The following NPHS1 variants were observed in gnomAD, a reference collection of about 807,000 sequenced individuals.
NPHS1 encodes the protein NPHS1 adhesion molecule, nephrin.
A neutral mutation model predicts 139.7 loss-of-function variants in NPHS1; 107 were observed. The ratio of observed to expected loss-of-function variants is 0.77; its 90% CI spans 0.66 to 0.90. The LOEUF is 0.90. Among genes scored for constraint, NPHS1 ranks in the 40% least tolerant of loss-of-function variants. The pLI is 0.00. For synonymous variants in NPHS1, 707 were observed against 706.6 expected, an observed-to-expected ratio of 1.00 and a Z score of -0.01; for missense variants, 1,580 against 1,654.2, an observed-to-expected ratio of 0.96 and a Z score of 0.78.
chr19:35,830,174 G>C (rs1279142066), intron 28 of NPHS1, among the ~76,000 whole-genome samples: 2 of 152,164 alleles, frequency 1.3e-5, no homozygotes, highest in Admixed American at 1.3e-4. Context: ...TGCTAAGCTA[G>C]ACCACATTTC....
chr19:35,827,668 T>C (rs888577795), intron 28 of NPHS1, among the ~76,000 whole-genome samples: 2 of 152,104 alleles, frequency 1.3e-5, no homozygotes, highest in East Asian at 1.9e-4. Flanking sequence ...CCTGTAATCC[T>C]AGCATTTTGG....
intron 28 of NPHS1, among the ~76,000 whole-genome samples, chr19:35,830,104 T>C (rs972595977): frequency 4.6e-5 from 7 of 152,218 alleles, no homozygotes; most frequent in Non-Finnish European, 8.8e-5. Context: ...TGGCTAATTA[T>C]CTTTAAAAAT....
In NPHS1 at chr19:35,843,546, C is replaced by T. The variant is rs546810048; in HGVS notation, c.2260G>A (p.Gly754Arg). 3.7e-6 allele frequency: 6 copies of T among 1,613,996 alleles called. No individual in the cohort carries two copies. Among genetic ancestry groups the T allele is most frequent in the African/African-American group, 1.3e-5 (1 of 74,914 alleles). Residue 754 changes from glycine to arginine, a missense_variant, in exon 17 of 29, where the codon GGG becomes AGG. By Grantham distance (125) the Gly-to-Arg change is moderately radical (BLOSUM62 -2). Transcript: ENST00000378910. ...GTGCAGACTATGTCCACAGAACCCC[C>T]GACGTTCACCTCAGTGGGGTCCTGG... is the stretch of plus-strand genomic sequence containing the variant. Reference protein sequence around the residue: ...ALQDPTEVNVGGSVDIVCTVD... With the variant: ...ALQDPTEVNVRGSVDIVCTVD...
Position 35,848,728 on chromosome 19 carries a change from G to A in NPHS1, c.1079C>T (p.Ser360Phe). Residue 360 changes from serine (S) to phenylalanine (F), a missense_variant, in exon 9 of 29, where the codon TCC becomes TTC. Ser to Phe is a radical substitution (Grantham distance 155). Coordinates refer to ENST00000378910, the MANE Select transcript of NPHS1 (RefSeq NM_004646.4). ...CGGGCGACTGGACTTGCTGACACAG[G>A]AGAGTGTCACGTTCTTGTTCTCAGT... ...SQTENKNVTLSCVSKSSRPRV... is the reference protein window; with the variant it reads ...SQTENKNVTLFCVSKSSRPRV... 1.9e-6 allele frequency: 3 copies of A among 1,614,156 alleles called. No homozygotes were observed. Among genetic ancestry groups the A allele is most frequent in the Non-Finnish European group, 2.5e-6 (3 of 1,180,008 alleles).
chr19:35,845,601 C>A lies in NPHS1; in HGVS notation c.1758-61G>T, dbSNP rs1400538010. 4.5e-6 allele frequency: 7 copies of A among 1,550,434 alleles called. No individual in the cohort carries two copies. In the East Asian group the frequency reaches 1.7e-4, roughly 37 times the overall value. On this transcript the variant is annotated intron_variant, in intron 13 of 28. Coordinates refer to ENST00000378910, the MANE Select transcript of NPHS1 (RefSeq NM_004646.4). The surrounding 1 kb of genome is among the most constrained non-coding windows in gnomAD (Gnocchi z 5.5). Reference sequence around the variant, plus strand: ...AGCCAGAGGCTGGAGAGGCACTAGGCGGGGGCGGGACATGCGTGGAGGGGG... The same window carrying A: ...AGCCAGAGGCTGGAGAGGCACTAGGAGGGGGCGGGACATGCGTGGAGGGGG...
Position 35,825,488 on chromosome 19 carries a change from A to T in NPHS1, c.*1026T>A, listed in dbSNP as rs1972789765. Among the ~76,000 whole-genome samples the T allele has an allele frequency of 6.6e-6, 1 of 152,172 alleles. No individual in the cohort carries two copies. The highest frequency in any genetic ancestry group is 2.1e-4 in the South Asian group (1 of 4,824). ...TCTGTGCACCCGTGCAACCACCACCACAATCGTTATATAGAATATTTCCAA... is the reference window on the plus strand; with the variant it reads ...TCTGTGCACCCGTGCAACCACCACCTCAATCGTTATATAGAATATTTCCAA... On this transcript the variant is annotated 3_prime_UTR_variant, in exon 29 of 29. Coordinates refer to ENST00000378910, the MANE Select transcript of NPHS1 (RefSeq NM_004646.4).
At chr19:35,836,490 G>A (rs552608946) in intron 22 of NPHS1, among the ~76,000 whole-genome samples, 2 of 152,136 alleles carry the variant, frequency 1.3e-5, no homozygotes, top group East Asian at 3.9e-4. Flanking sequence ...TCAATTTGTT[G>A]AGTTAACCAA....
In NPHS1 at chr19:35,845,348, T is replaced by C. The variant is rs771128885; in HGVS notation, c.1930+20A>G. The C allele has an allele frequency of 6.2e-7, 1 of 1,614,132 alleles. No individual in the cohort carries two copies. Among genetic ancestry groups the C allele is most frequent in the Admixed American group, 1.7e-5 (1 of 60,032 alleles). On this transcript the variant is annotated intron_variant, in intron 14 of 28. Transcript: ENST00000378910. This position sits in a 1 kb window ranked among gnomAD's most constrained non-coding sequence, Gnocchi z 5.5. ...GGGTCAAGAAGGCATCGAGAGGGGC[T>C]TTCAGGCCGGGGCACATACACAGTA...
At chr19:35,850,888 G>T in intron 4 of NPHS1, 73 bp downstream of exon 4, 1 of 1,574,580 alleles carries the variant, frequency 6.4e-7, no homozygotes, top group Non-Finnish European at 8.7e-7. Context: ...GAAGGGTACT[G>T]GTCAGGAACA....
In NPHS1 at chr19:35,845,395, T is replaced by C; in HGVS notation, c.1903A>G (p.Ser635Gly). The change falls in exon 14 of 29, where the codon AGC becomes GGC. Residue 635 changes from serine to glycine, a missense_variant. Coordinates refer to ENST00000378910, the MANE Select transcript of NPHS1 (RefSeq NM_004646.4). The surrounding 1 kb of genome is among the most constrained non-coding windows in gnomAD (Gnocchi z 5.5). ...AGTACGTTGAGGCGATAGAAGGAGCTCACGGTTTCGCGGAGCTCGGCGCTG... is the reference window on the plus strand; with the variant it reads ...AGTACGTTGAGGCGATAGAAGGAGCCCACGGTTTCGCGGAGCTCGGCGCTG... Reference protein sequence around the residue: ...AHSAELRETVSSFYRLNVLYR... With the variant: ...AHSAELRETVGSFYRLNVLYR... 1 of 1,614,232 alleles carries C rather than the reference T, an allele frequency of 6.2e-7. No homozygotes were observed.
chr19:35,825,641 A>G lies in NPHS1; in HGVS notation c.*873T>C, dbSNP rs1972792077. Among the ~76,000 whole-genome samples, 1 of 152,184 alleles carries G rather than the reference A, an allele frequency of 6.6e-6. No homozygotes were observed. Among genetic ancestry groups the G allele is most frequent in the South Asian group, 2.1e-4 (1 of 4,836 alleles). ...TTTTAGAATTTCTATAAACGAAAGC[A>G]CACACACAGTACATATTCTTTTCCT... On this transcript the variant is annotated 3_prime_UTR_variant, in exon 29 of 29. Transcript: ENST00000378910.
chr19:35,849,644 G>A lies in NPHS1; in HGVS notation c.618C>T (p.Pro206=). ...FTVEATARVT[P]RSSDNRQLLV... ...GCAACTGCCTATTATCTGAGCTCCG[G>A]GGTGTCACCCTGGGATGAGAAGTCA... The change falls in exon 6 of 29, where the codon CCC becomes CCT. Residue 206 remains proline, a synonymous_variant. Coordinates refer to ENST00000378910, the MANE Select transcript of NPHS1 (RefSeq NM_004646.4). 6.2e-7 allele frequency: 1 copy of A among 1,613,484 alleles called. No individual in the cohort carries two copies. Among genetic ancestry groups the A allele is most frequent in the Non-Finnish European group, 8.5e-7 (1 of 1,179,560 alleles).
chr19:35,848,703 C>A lies in NPHS1; in HGVS notation c.1104G>T (p.Pro368=), dbSNP rs143178785. ...TLSCVSKSSR[P]RVLLRWWLGW... is the part of the protein sequence containing the mutation. ...CCAGCCACCATCGTAGCAGAACCCG[C>A]GGGCGACTGGACTTGCTGACACAGG... Residue 368 remains proline (P), a synonymous_variant, in exon 9 of 29, where the codon CCG becomes CCT. Coordinates refer to ENST00000378910, the MANE Select transcript of NPHS1 (RefSeq NM_004646.4). The A allele has an allele frequency of 1.9e-6, 3 of 1,614,132 alleles. No individual in the cohort carries two copies. In the Admixed American group the frequency reaches 5.0e-5, roughly 27 times the overall value.
intron 4 of NPHS1, 81 bp from the exon 5 acceptor site, chr19:35,850,526 G>T: frequency 8.1e-7 from 1 of 1,232,956 alleles, no homozygotes; most frequent in Non-Finnish European, 1.2e-6. Flanking sequence ...AAGTCCTCAG[G>T]GTGGGTGCGA....
rs547755431 is a variant in NPHS1 at position 35,829,006 on chromosome 19, T to C, written c.3594+1838A>G. On this transcript the variant is annotated intron_variant, in intron 28 of 28. Transcript: ENST00000378910. ...CCAAGGCCACACAGGAAATCAGGGGTTCTGTCCCATCTCCCTAACTGTGCA... is the reference window on the plus strand; with the variant it reads ...CCAAGGCCACACAGGAAATCAGGGGCTCTGTCCCATCTCCCTAACTGTGCA... Among the ~76,000 whole-genome samples the C allele has an allele frequency of 1.7e-3, 258 of 152,322 alleles. 2 individuals carry two copies. The highest frequency in any genetic ancestry group is 3.1e-3 in the Non-Finnish European group (208 of 68,018).
In NPHS1 at chr19:35,843,485, T is replaced by A; in HGVS notation, c.2321A>T (p.Asn774Ile). Residue 774 changes from asparagine to isoleucine, a missense_variant, in exon 17 of 29, where the codon AAC becomes ATC. By Grantham distance (149) the Asn-to-Ile change is moderately radical. Coordinates refer to ENST00000378910, the MANE Select transcript of NPHS1 (RefSeq NM_004646.4). ...DANPILPGMF[N>I]WERLGEDEED... Reference sequence around the variant, plus strand: ...CTGGATCCTCACCAGTCTCTCCCAGTTGAACATGCCCGGGAGGATGGGATT... The same window carrying A: ...CTGGATCCTCACCAGTCTCTCCCAGATGAACATGCCCGGGAGGATGGGATT... The A allele has an allele frequency of 6.2e-7, 1 of 1,614,058 alleles. No individual in the cohort carries two copies. The highest frequency in any genetic ancestry group is 8.5e-7 in the Non-Finnish European group (1 of 1,179,944).
At position 35,842,267 on chromosome 19, in the gene NPHS1, C is replaced by T. The variant is rs774650580; in HGVS notation, c.2520G>A (p.Val840=). 4.3e-6 allele frequency: 7 copies of T among 1,612,798 alleles called. No individual in the cohort carries two copies. In the Admixed American group the frequency reaches 5.0e-5, roughly 12 times the overall value. ...CCTTAGTTAGGGGAGTGGGGTGCTCCACCTGGGGGGCAACTGGGAGGGGAT... is the reference window on the plus strand; with the variant it reads ...CCTTAGTTAGGGGAGTGGGGTGCTCTACCTGGGGGGCAACTGGGAGGGGAT... The part of the protein sequence containing the change: ...LRLVVRFAPQ[V]EHPTPLTKVA... The change falls in exon 19 of 29, where the codon GTG becomes GTA. Residue 840 remains valine, a synonymous_variant. Transcript: ENST00000378910.
In NPHS1 at chr19:35,851,359, G is replaced by A. The variant is rs1318894438; in HGVS notation, c.300C>T (p.Ala100=). The A allele has an allele frequency of 1.2e-6, 2 of 1,613,484 alleles. No individual in the cohort carries two copies. The highest frequency in any genetic ancestry group is 1.7e-6 in the Non-Finnish European group (2 of 1,179,762). Residue 100 remains alanine, a synonymous_variant, in exon 3 of 29, where the codon GCC becomes GCT. Coordinates refer to ENST00000378910, the MANE Select transcript of NPHS1 (RefSeq NM_004646.4). ...ACTCCGCGTCATCGCTGAGGTCACA[G>A]GCCTCGATGTGCAGGTGGAATTCAC... The part of the protein sequence containing the change: ...ARGEFHLHIE[A]CDLSDDAEYE...
chr19:35,827,489 A>T (rs145771654), intron 28 of NPHS1, among the ~76,000 whole-genome samples: 86 of 152,058 alleles, frequency 5.7e-4, no homozygotes, highest in African/African-American at 2.0e-3. Context: ...AAAAGAAAAA[A>T]CCAGTAGCAA....
Sources: gnomAD v4.1 joint callset for allele counts (sites outside exome capture counted in the v4.1 genomes callset) on GRCh38, gnomAD v4.1.1 for gene constraint, Gnocchi (gnomAD v3.1) non-coding constraint, MANE v1.5 for transcripts, NCBI Gene and HGNC (gene_info 2026-07-23, HGNC 2026-07-21) for gene names.